Variants in KCNIP1 observed in about 807,000 individuals in gnomAD.
The protein encoded by KCNIP1 is A-type potassium channel modulatory protein KCNIP1.
Under a neutral mutation model 33.0 loss-of-function variants are expected in KCNIP1, and 18 were observed. The ratio of observed to expected loss-of-function variants is 0.55; its 90% CI spans 0.38 to 0.81. The LOEUF is 0.81. Among genes scored for constraint, KCNIP1 ranks in the 30% least tolerant of loss-of-function variants. The probability of loss-of-function intolerance (pLI) is 0.00; values close to 1 mark genes in which losing one functional copy is unlikely to be tolerated. For missense variants in KCNIP1, 238 were observed against 271.6 expected (o/e 0.88, Z 0.87); for synonymous variants, 93 against 98.3 (o/e 0.95, Z 0.32).
chr5:170,385,288 G>T lies in KCNIP1; in HGVS notation c.88+31324G>T, dbSNP rs754692679. 1.9e-6 allele frequency: 3 copies of T among 1,613,518 alleles called. No homozygotes were observed. In the African/African-American group the frequency reaches 4.0e-5, roughly 22 times the overall value. ...CAGACCCTTAGGAGAGGGTTGGGGG[G>T]TGGGCAGGCCGGGAGAGCTCAGTAC... On this transcript the variant is annotated intron_variant, in intron 1 of 7. Transcript: ENST00000377360.
At chr5:170,463,062 A>G (rs879549970) in intron 1 of KCNIP1, among the ~76,000 whole-genome samples, 10 of 152,078 alleles carry the variant, frequency 6.6e-5, no homozygotes, top group South Asian at 2.1e-4. Flanking sequence ...CTCACAAATC[A>G]CCACCAAAGG....
At chr5:170,426,530 A>C (rs1415025851) in intron 1 of KCNIP1, among the ~76,000 whole-genome samples, 1 of 152,232 alleles carries the variant, frequency 6.6e-6, no homozygotes, top group African/African-American at 2.4e-5. Context: ...GACACTAAGC[A>C]GATTAGTTGC....
At chr5:170,716,531 TGAAAAC>T (rs1366454848) in intron 1 of KCNIP1, among the ~76,000 whole-genome samples, 1 of 151,924 alleles carries the variant, frequency 6.6e-6, no homozygotes, top group Non-Finnish European at 1.5e-5. Context: ...TAGCCAATGA[TGAAAAC>T]GAAAAACAAA....
At chr5:170,680,458 T>TA (rs1762299089) in intron 1 of KCNIP1, 1 of 152,210 alleles carries the variant, frequency 6.6e-6, no homozygotes, top group East Asian at 1.9e-4. Context: ...TTTCTGATAC[T>TA]AATATAAAAC....
At chr5:170,596,056 A>C (rs1017836918) in intron 1 of KCNIP1, among the ~76,000 whole-genome samples, 59 of 152,262 alleles carry the variant, frequency 3.9e-4, no homozygotes, top group African/African-American at 1.3e-3. Flanking sequence ...AGATGCAGGG[A>C]CTCAAAAAGT....
chr5:170,599,710 A>C (rs1056575672), intron 1 of KCNIP1, among the ~76,000 whole-genome samples: 23 of 151,826 alleles, frequency 1.5e-4, no homozygotes, highest in Non-Finnish European at 3.2e-4. Flanking sequence ...ACACTGGCAG[A>C]AGAGGAAGAA....
intron 1 of KCNIP1, among the ~76,000 whole-genome samples, chr5:170,399,360 C>T (rs314135): frequency 0.032 from 4,872 of 152,270 alleles, 162 homozygotes; most frequent in African/African-American, 0.083. Flanking sequence ...GAATGCCTGC[C>T]TGCTCACTTC....
chr5:170,686,534 C>T (rs1256755162), intron 1 of KCNIP1, among the ~76,000 whole-genome samples: 3 of 152,090 alleles, frequency 2.0e-5, no homozygotes, highest in Non-Finnish European at 4.4e-5. Flanking sequence ...TTTTTTGTCC[C>T]GCATTCTCCA....
At chr5:170,621,124 A>G (rs955073123) in intron 1 of KCNIP1, among the ~76,000 whole-genome samples, 1 of 152,194 alleles carries the variant, frequency 6.6e-6, no homozygotes, top group Non-Finnish European at 1.5e-5. Context: ...TCCCAAAGTC[A>G]CACTCTTTTC....
chr5:170,432,303 A>T (rs1755762407), intron 1 of KCNIP1, among the ~76,000 whole-genome samples: 1 of 152,224 alleles, frequency 6.6e-6, no homozygotes, highest in Non-Finnish European at 1.5e-5. Flanking sequence ...TTTAACTAGA[A>T]ACAAGAGGAT....
At chr5:170,450,298 G>T (rs1445257494) in intron 1 of KCNIP1, among the ~76,000 whole-genome samples, 1 of 152,078 alleles carries the variant, frequency 6.6e-6, no homozygotes, top group African/African-American at 2.4e-5. Flanking sequence ...TCCCTTAGCC[G>T]TGCAGCCAGG....
chr5:170,687,873 A>G (rs1291149645), intron 1 of KCNIP1, among the ~76,000 whole-genome samples: 1 of 152,238 alleles, frequency 6.6e-6, no homozygotes, highest in African/African-American at 2.4e-5. Context: ...GGCATATAGT[A>G]ACCACTTTCG....
intron 1 of KCNIP1, among the ~76,000 whole-genome samples, chr5:170,613,258 A>G (rs1316428627): frequency 2.0e-5 from 3 of 152,160 alleles, no homozygotes; most frequent in Non-Finnish European, 4.4e-5. Flanking sequence ...GTGTGTGTCC[A>G]TCGCTCCATC....
intron 1 of KCNIP1, among the ~76,000 whole-genome samples, chr5:170,493,468 C>T (rs1180009254): frequency 2.0e-5 from 3 of 152,154 alleles, no homozygotes; most frequent in Admixed American, 6.5e-5. Context: ...GTGACTCAGT[C>T]GCTCATTTCA....
At chr5:170,677,790 T>C (rs1762200787) in intron 1 of KCNIP1, among the ~76,000 whole-genome samples, 2 of 151,746 alleles carry the variant, frequency 1.3e-5, no homozygotes, top group Admixed American at 1.3e-4. Context: ...TCACAAATAA[T>C]CAAACCTTTG....
chr5:170,354,420 C>T (rs1398946143), intron 1 of KCNIP1, among the ~76,000 whole-genome samples: 1 of 152,140 alleles, frequency 6.6e-6, no homozygotes, highest in Admixed American at 6.5e-5. Flanking sequence ...TCTGCTTTGC[C>T]CTGGTGGCTT....
At chr5:170,462,530 GAA>G (rs1756527839) in intron 1 of KCNIP1, among the ~76,000 whole-genome samples, 1 of 152,158 alleles carries the variant, frequency 6.6e-6, no homozygotes, top group Non-Finnish European at 1.5e-5. Flanking sequence ...CACTGCTGGT[GAA>G]AATGTAAAAC....
chr5:170,720,170 A>G, intron 2 of KCNIP1, 151 bp from the exon 3 acceptor site: 1 of 628,596 alleles, frequency 1.6e-6, no homozygotes, highest in Non-Finnish European at 2.9e-6. Flanking sequence ...AAGCAGCTCC[A>G]GTCCTGAGAT....
At chr5:170,436,056 T>C (rs1289406644) in intron 1 of KCNIP1, among the ~76,000 whole-genome samples, 1 of 152,106 alleles carries the variant, frequency 6.6e-6, no homozygotes, top group African/African-American at 2.4e-5. Context: ...AAAGTACACA[T>C]GCGTCTTCAA....
Sources: allele counts gnomAD v4.1 joint callset (sites outside exome capture counted in the v4.1 genomes callset), GRCh38; gene constraint gnomAD v4.1.1; transcripts MANE v1.5; gene names NCBI Gene and HGNC (gene_info 2026-07-23, HGNC 2026-07-21).